The following RASEF variants were observed in gnomAD, a reference collection of about 807,000 sequenced individuals.
RASEF encodes ras and EF-hand domain-containing protein.
Under a neutral mutation model 90.1 loss-of-function variants are expected in RASEF, and 68 were observed. The observed-to-expected ratio is 0.75, with a 90% CI of 0.62 to 0.92. The LOEUF (loss-of-function observed/expected upper bound fraction) is 0.92. Among genes scored for constraint, RASEF ranks in the 40% least tolerant of loss-of-function variants. The pLI is 0.00. For missense variants in RASEF, 949 were observed against 937.2 expected (o/e 1.01, Z -0.16); for synonymous variants, 331 against 345.2 (o/e 0.96, Z 0.46).
At chr9:83,180,676 T>C in the RASEF span, among the ~76,000 whole-genome samples, 1 of 152,110 alleles carries the variant, frequency 6.6e-6, no homozygotes, top group African/African-American at 2.4e-5. Context: ...TAATGTTCTG[T>C]TCAATTTTAA....
At chr9:83,110,028 A>G in the RASEF span, among the ~76,000 whole-genome samples, 10 of 152,172 alleles carry the variant, frequency 6.6e-5, no homozygotes, top group Admixed American at 5.9e-4. Context: ...TAAGTTTATC[A>G]AAAAAACATT....
chr9:82,987,177 C>T (rs541074945), intron 16 of RASEF, among the ~76,000 whole-genome samples: 14 of 152,286 alleles, frequency 9.2e-5, no homozygotes, highest in South Asian at 2.1e-4. Context: ...GAGACTATAA[C>T]ATTTCCATTT....
chr9:82,983,740 G>T (rs560420340), intron 16 of RASEF, among the ~76,000 whole-genome samples: 1 of 152,348 alleles, frequency 6.6e-6, no homozygotes, highest in South Asian at 2.1e-4. Flanking sequence ...ATAATGCGGG[G>T]CTGCAGCAAT....
At chr9:83,165,960 G>GA in the RASEF span, among the ~76,000 whole-genome samples, 1 of 152,010 alleles carries the variant, frequency 6.6e-6, no homozygotes, top group African/African-American at 2.4e-5. Context: ...ACTCACACAG[G>GA]AAAAATTGGG....
chr9:83,218,754 C>CAGAA, the RASEF span, among the ~76,000 whole-genome samples: 1 of 152,210 alleles, frequency 6.6e-6, no homozygotes, highest in Non-Finnish European at 1.5e-5. Context: ...AGAACCTGGC[C>CAGAA]TCCCACATCT....
the RASEF span, among the ~76,000 whole-genome samples, chr9:83,190,817 C>G: frequency 6.6e-6 from 1 of 150,464 alleles, no homozygotes; most frequent in Admixed American, 6.7e-5. Context: ...AAATCCTCAC[C>G]TGGTTTTGGA....
chr9:83,065,737 T>C (rs536128215), upstream of RASEF, among the ~76,000 whole-genome samples: 1 of 152,348 alleles, frequency 6.6e-6, no homozygotes, highest in South Asian at 2.1e-4. Flanking sequence ...AGCTGGACAG[T>C]CCTTCTCAAA....
chr9:83,123,658 G>A, the RASEF span, among the ~76,000 whole-genome samples: 15 of 152,226 alleles, frequency 9.9e-5, no homozygotes, highest in Non-Finnish European at 1.5e-4. Context: ...CTTCTGGAGC[G>A]CCCTCACCCC....
the RASEF span, among the ~76,000 whole-genome samples, chr9:83,111,952 C>G: frequency 6.6e-6 from 1 of 151,642 alleles, no homozygotes; most frequent in African/African-American, 2.4e-5. Context: ...ACTAAGAGCT[C>G]TTAAATAAAA....
chr9:83,027,967 T>A (rs751033598), intron 1 of RASEF, among the ~76,000 whole-genome samples: 1 of 152,186 alleles, frequency 6.6e-6, no homozygotes, highest in African/African-American at 2.4e-5. Flanking sequence ...GGATCCCTGC[T>A]TGCTAGTATT....
chr9:83,184,887 G>A, the RASEF span, among the ~76,000 whole-genome samples: 1 of 152,150 alleles, frequency 6.6e-6, no homozygotes, highest in Non-Finnish European at 1.5e-5. Context: ...CTGTTGTTGA[G>A]GTTTTATTTA....
intron 9 of RASEF, among the ~76,000 whole-genome samples, chr9:83,002,573 A>AT (rs1219092072): frequency 1.3e-5 from 2 of 151,366 alleles, no homozygotes; most frequent in African/African-American, 4.8e-5. Flanking sequence ...TATTGCCAAT[A>AT]TATTATTGCA....
the RASEF span, among the ~76,000 whole-genome samples, chr9:83,130,654 A>G: frequency 6.6e-6 from 1 of 152,322 alleles, no homozygotes; most frequent in South Asian, 2.1e-4. Context: ...CTTATTGAGT[A>G]CCTGCTGCGT....
chr9:83,211,699 C>T, the RASEF span, among the ~76,000 whole-genome samples: 1 of 152,088 alleles, frequency 6.6e-6, no homozygotes, highest in Non-Finnish European at 1.5e-5. Flanking sequence ...TATCATGATG[C>T]ATATAAGGGT....
At chr9:83,063,948 C>T (rs1279283144), upstream of RASEF, among the ~76,000 whole-genome samples, 1 of 152,174 alleles carries the variant, frequency 6.6e-6, no homozygotes, top group Non-Finnish European at 1.5e-5. Flanking sequence ...CTTATGTAAC[C>T]GTGCCTTTAG....
the RASEF span, among the ~76,000 whole-genome samples, chr9:83,209,934 G>A: frequency 1.3e-5 from 2 of 152,138 alleles, no homozygotes; most frequent in Non-Finnish European, 2.9e-5. Flanking sequence ...GCATGTTTAG[G>A]TGTTGCTAAG....
chr9:83,144,386 A>AGGAAGGAAG, the RASEF span, among the ~76,000 whole-genome samples: 137 of 52,140 alleles, frequency 2.6e-3, 9 homozygotes, highest in South Asian at 7.3e-3. Flanking sequence ...AAAGAAAGAA[A>AGGAAGGAAG]GAAAGGAAAG....
chr9:83,207,159 GAGAGTCTATC>G, the RASEF span, among the ~76,000 whole-genome samples: 36 of 139,652 alleles, frequency 2.6e-4, no homozygotes, highest in Non-Finnish European at 5.2e-4. Flanking sequence ...ATTACTCCAA[GAGAGTCTATC>G]ACGGACATTC....
chr9:83,008,317 G>A (rs985513034), intron 6 of RASEF, among the ~76,000 whole-genome samples: 1 of 152,044 alleles, frequency 6.6e-6, no homozygotes, highest in Non-Finnish European at 1.5e-5. Flanking sequence ...AAATTCGGGG[G>A]CCTTCTATGA....
Sources: gnomAD v4.1 joint callset for allele counts (sites outside exome capture counted in the v4.1 genomes callset) on GRCh38, gnomAD v4.1.1 for gene constraint, MANE v1.5 for transcripts, NCBI Gene and HGNC (gene_info 2026-07-23, HGNC 2026-07-21) for gene names.